The following PTPRZ1 variants were observed in gnomAD, a reference collection of about 807,000 sequenced individuals.
PTPRZ1 encodes the protein protein tyrosine phosphatase receptor type Z1.
Under a neutral mutation model 214.1 loss-of-function variants are expected in PTPRZ1, and 82 were observed. That is an observed-to-expected ratio of 0.38 (90% CI 0.32 to 0.46). The LOEUF (loss-of-function observed/expected upper bound fraction) is 0.46. Among genes scored for constraint, PTPRZ1 ranks in the 20% least tolerant of loss-of-function variants. The pLI is 1.00. For synonymous variants in PTPRZ1, 945 were observed against 987.9 expected, an observed-to-expected ratio of 0.96 and a Z score of 0.81; for missense variants, 2,603 against 2,748.7, an observed-to-expected ratio of 0.95 and a Z score of 1.19.
At chr7:121,931,442 C>T (rs1035897763) in intron 2 of PTPRZ1, among the ~76,000 whole-genome samples, 18 of 152,156 alleles carry the variant, frequency 1.2e-4, no homozygotes, top group African/African-American at 4.3e-4. Context: ...CTTTAATGCA[C>T]CCTCCACTCT....
chr7:121,900,412 G>A (rs1358594496), intron 1 of PTPRZ1, among the ~76,000 whole-genome samples: 1 of 152,118 alleles, frequency 6.6e-6, no homozygotes, highest in African/African-American at 2.4e-5. Context: ...TCTATTTATT[G>A]GATTGGATCC....
At chr7:122,015,721 G>A (rs1469869203) in intron 12 of PTPRZ1, among the ~76,000 whole-genome samples, 2 of 151,980 alleles carry the variant, frequency 1.3e-5, no homozygotes, top group Non-Finnish European at 2.9e-5. Context: ...ATAATGAGAT[G>A]CTAAACCTAA....
At chr7:121,884,512 T>G (rs1011090481) in intron 1 of PTPRZ1, among the ~76,000 whole-genome samples, 3 of 152,208 alleles carry the variant, frequency 2.0e-5, no homozygotes, top group East Asian at 3.9e-4. Flanking sequence ...CTGGGTATTT[T>G]GAGCCTGACA....
rs139533658 is a variant in PTPRZ1 at position 122,013,572 on chromosome 7, A to T, written c.4526A>T (p.Asn1509Ile). The T allele has an allele frequency of 6.2e-7, 1 of 1,614,228 alleles. No homozygotes were observed. The highest frequency in any genetic ancestry group is 1.1e-5 in the South Asian group (1 of 91,084). ...AGTCCTGGTAAATCACCATCAGCAA[A>T]TGGGCTATCCCAAAAGCACAATGAT... ...DRSPGKSPSA[N>I]GLSQKHNDGK... The change falls in exon 12 of 30, where the codon AAT becomes ATT. Residue 1509 changes from asparagine to isoleucine, a missense_variant. Around this residue, in one of 6 missense-constraint regions of PTPRZ1, gnomAD observed 1,913 missense variants for 1,914.3 expected, o/e 1.00. Coordinates refer to ENST00000393386, the MANE Select transcript of PTPRZ1 (RefSeq NM_002851.3).
intron 27 of PTPRZ1, among the ~76,000 whole-genome samples, chr7:122,058,533 T>C (rs1034076522): frequency 2.0e-5 from 3 of 152,156 alleles, no homozygotes; most frequent in Admixed American, 1.3e-4. Context: ...TTTGTAAGCA[T>C]TGGCATATTT....
chr7:121,951,036 C>T (rs944140044), intron 2 of PTPRZ1, among the ~76,000 whole-genome samples: 16 of 152,132 alleles, frequency 1.1e-4, no homozygotes, highest in African/African-American at 1.7e-4. Flanking sequence ...TGAGTCAATA[C>T]AAGGCATGAG....
intron 23 of PTPRZ1, among the ~76,000 whole-genome samples, chr7:122,044,861 T>C (rs1454488251): frequency 6.6e-6 from 1 of 152,050 alleles, no homozygotes; most frequent in Admixed American, 6.6e-5. Flanking sequence ...CAGAAAGAAC[T>C]TGTAAAACAT....
At chr7:121,976,406 A>C in intron 5 of PTPRZ1, 138 bp downstream of exon 5, 1 of 567,384 alleles carries the variant, frequency 1.8e-6, no homozygotes, top group Non-Finnish European at 3.0e-6. Flanking sequence ...TTTCAAAAAA[A>C]GATGACCCTT....
At chr7:121,911,438 C>T (rs913138070) in intron 1 of PTPRZ1, among the ~76,000 whole-genome samples, 1 of 151,926 alleles carries the variant, frequency 6.6e-6, no homozygotes, top group Non-Finnish European at 1.5e-5. Context: ...GTCCTTTTTT[C>T]TTGTCTCAGT....
chr7:121,970,810 G>A (rs1797219819), intron 3 of PTPRZ1, among the ~76,000 whole-genome samples: 1 of 152,124 alleles, frequency 6.6e-6, no homozygotes, highest in Admixed American at 6.6e-5. Flanking sequence ...AGTTTAATTA[G>A]ATCCCATTTG....
intron 12 of PTPRZ1, among the ~76,000 whole-genome samples, chr7:122,014,938 T>TTAATTA (rs1798802609): frequency 1.3e-5 from 2 of 152,202 alleles, no homozygotes; most frequent in Admixed American, 6.5e-5. Context: ...TGGGCATTAA[T>TTAATTA]ATGTACAGTA....
At chr7:122,020,484 A>G (rs1283630511) in intron 13 of PTPRZ1, among the ~76,000 whole-genome samples, 1 of 152,178 alleles carries the variant, frequency 6.6e-6, no homozygotes, top group African/African-American at 2.4e-5. Flanking sequence ...GGAAAGGAAA[A>G]GGGCATTCCA....
At chr7:121,902,584 G>A (rs1344735782) in intron 1 of PTPRZ1, among the ~76,000 whole-genome samples, 2 of 151,892 alleles carry the variant, frequency 1.3e-5, no homozygotes, top group African/African-American at 2.4e-5. Context: ...ATCTCATTGT[G>A]GTTTTGATTT....
chr7:122,012,886 C>G lies in PTPRZ1; in HGVS notation c.3840C>G (p.His1280Gln), dbSNP rs1469000821. The change falls in exon 12 of 30, where the codon CAC becomes CAG. Residue 1280 changes from histidine to glutamine, a missense_variant. Physicochemically the swap from His to Gln is conservative, Grantham distance 24 (BLOSUM62 0). This residue lies in a region of PTPRZ1 where 1,913 missense variants were observed against 1,914.3 expected (regional missense o/e 1.00). Coordinates refer to ENST00000393386, the MANE Select transcript of PTPRZ1 (RefSeq NM_002851.3). ...TTTTGTTAAAAAGTGAAAGTTCCCA[C>G]CAAGTGGTACCTTCTTTGTACAGTA... ...EPVLLKSESS[H>Q]QVVPSLYSND... is the part of the protein sequence containing the mutation. The G allele has an allele frequency of 2.5e-6, 4 of 1,614,026 alleles. No homozygotes were observed. In the African/African-American group the frequency reaches 5.3e-5, roughly 22 times the overall value.
At chr7:122,033,306 G>A (rs2150471090) in intron 15 of PTPRZ1, among the ~76,000 whole-genome samples, 1 of 151,942 alleles carries the variant, frequency 6.6e-6, no homozygotes, top group East Asian at 1.9e-4. Flanking sequence ...AGGTTATGTG[G>A]AGGGAGATTG....
At chr7:121,973,940 GAAA>G (rs371692415) in intron 4 of PTPRZ1, among the ~76,000 whole-genome samples, 2 of 86,222 alleles carry the variant, frequency 2.3e-5, no homozygotes, top group East Asian at 4.1e-4. Flanking sequence ...TCTCAAAAAA[GAAA>G]AAAAAAAAAA....
intron 2 of PTPRZ1, among the ~76,000 whole-genome samples, chr7:121,942,058 T>C (rs1158919942): frequency 6.6e-6 from 1 of 152,210 alleles, no homozygotes; most frequent in Non-Finnish European, 1.5e-5. Context: ...TGAGAATCAA[T>C]TTCTCATAGA....
At chr7:121,932,647 A>T (rs1795958558) in intron 2 of PTPRZ1, among the ~76,000 whole-genome samples, 1 of 152,214 alleles carries the variant, frequency 6.6e-6, no homozygotes, top group Non-Finnish European at 1.5e-5. Context: ...TACTAAGTAC[A>T]TTATAAGGCT....
intron 1 of PTPRZ1, among the ~76,000 whole-genome samples, chr7:121,896,994 T>C (rs1167986386): frequency 2.6e-5 from 4 of 152,130 alleles, no homozygotes; most frequent in Non-Finnish European, 5.9e-5. Flanking sequence ...TGTCAGTGGG[T>C]GTATTTGATA....
Sources: allele counts gnomAD v4.1 joint callset (sites outside exome capture counted in the v4.1 genomes callset), GRCh38; gene constraint gnomAD v4.1.1; regional missense constraint gnomAD v4.1.1; transcripts MANE v1.5; gene names NCBI Gene and HGNC (gene_info 2026-07-23, HGNC 2026-07-21).